The following RNF115 variants were observed in gnomAD, a reference collection of about 807,000 sequenced individuals.
The protein encoded by RNF115 is E3 ubiquitin-protein ligase RNF115.
RNF115 carries 31 observed loss-of-function variants against 39.2 expected under a neutral mutation model. That is an observed-to-expected ratio of 0.79 (90% confidence interval 0.59 to 1.07). RNF115 has a LOEUF of 1.07. Ranked by LOEUF, RNF115 falls within the 50% of genes least tolerant of loss-of-function variation. The pLI is 0.00. For synonymous variants in RNF115, 124 were observed against 131.0 expected, an observed-to-expected ratio of 0.95 and a Z score of 0.37; for missense variants, 384 against 381.7, an observed-to-expected ratio of 1.01 and a Z score of -0.05.
At chr1:145,816,640 T>A (rs1406879230) in intron 1 of RNF115, among the ~76,000 whole-genome samples, 3 of 139,316 alleles carry the variant, frequency 2.2e-5, no homozygotes, top group African/African-American at 7.4e-5. Flanking sequence ...AGAAACCTAG[T>A]GAGAGCTCAT....
intron 4 of RNF115, among the ~76,000 whole-genome samples, chr1:145,769,875 CA>C (rs1184000469): frequency 2.6e-5 from 4 of 151,832 alleles, no homozygotes; most frequent in African/African-American, 9.7e-5. Context: ...GGCGTGGTGG[CA>C]CATGCTTGTA....
At chr1:145,789,099 T>C (rs587685353) in intron 1 of RNF115, 133 bp from the exon 2 acceptor site, 6 of 605,828 alleles carry the variant, frequency 9.9e-6, no homozygotes, top group East Asian at 5.6e-5. Flanking sequence ...TCAAGTAGTT[T>C]TTGTTTTTTT....
At chr1:145,813,135 G>C (rs1649811865) in intron 1 of RNF115, among the ~76,000 whole-genome samples, 1 of 151,332 alleles carries the variant, frequency 6.6e-6, no homozygotes, top group African/African-American at 2.4e-5. Flanking sequence ...CTTTCAATTA[G>C]GATTATACAG....
chr1:145,813,679 CAG>C (rs1649834365), intron 1 of RNF115, among the ~76,000 whole-genome samples: 1 of 152,114 alleles, frequency 6.6e-6, no homozygotes, highest in Non-Finnish European at 1.5e-5. Flanking sequence ...TCTCTCCCAT[CAG>C]AGGTTTGCCT....
At chr1:145,803,063 C>T (rs587609780) in intron 1 of RNF115, among the ~76,000 whole-genome samples, 7 of 152,310 alleles carry the variant, frequency 4.6e-5, no homozygotes, top group African/African-American at 1.7e-4. Context: ...ACTGTCCTCA[C>T]TGACTTCTTT....
At chr1:145,808,444 G>T (rs1649552177) in intron 1 of RNF115, among the ~76,000 whole-genome samples, 1 of 152,100 alleles carries the variant, frequency 6.6e-6, no homozygotes, top group African/African-American at 2.4e-5. Flanking sequence ...GATTAGTGAT[G>T]TTAAGCACTG....
intron 4 of RNF115, among the ~76,000 whole-genome samples, chr1:145,767,127 C>G (rs1383664890): frequency 6.6e-6 from 1 of 151,374 alleles, no homozygotes; most frequent in Non-Finnish European, 1.5e-5. Context: ...GGGCTCCTCA[C>G]TTCTCAGACG....
rs1409382694 is a variant in RNF115, at chr1:145,781,050, A to G, written c.219+3489T>C. ...AGCAATATTTTCAGATTCACTCTCC[A>G]CCGGCCCTCACACATTATTCAAACA... On this transcript the variant is annotated intron_variant, in intron 3 of 8. Coordinates refer to ENST00000582693, the MANE Select transcript of RNF115 (RefSeq NM_014455.4). 5.9e-5 allele frequency among the ~76,000 whole-genome samples: 9 copies of G among 152,070 alleles called. 1 individual carries two copies. Among genetic ancestry groups the G allele is most frequent in the Admixed American group, 5.2e-4 (8 of 15,258 alleles).
rs1553715791 is a variant in RNF115 at position 145,771,748 on chromosome 1, C to G, written c.391G>C (p.Gly131Arg). Residue 131 changes from glycine to arginine, a missense_variant, in exon 4 of 9, where the codon GGA (glycine) becomes CGA (arginine). Physicochemically the swap from Gly to Arg is moderately radical, Grantham distance 125. Transcript: ENST00000582693. Reference protein sequence around the residue: ...LPLGRRYRSRGSSRPDRSPAI... With the variant: ...LPLGRRYRSRRSSRPDRSPAI... ...GGAGATCTGTCAGGACGAGAACTTC[C>G]TCGAGATCTGTATCTCCGACCCAAT... is the stretch of plus-strand genomic sequence containing the variant. 6.2e-7 allele frequency: 1 copy of G among 1,614,160 alleles called. No homozygotes were observed. The highest frequency in any genetic ancestry group is 1.1e-5 in the South Asian group (1 of 91,068).
intron 4 of RNF115, among the ~76,000 whole-genome samples, chr1:145,763,391 G>A (rs1228801305): frequency 1.3e-5 from 2 of 152,088 alleles, no homozygotes; most frequent in Non-Finnish European, 2.9e-5. Context: ...AAACAAAAGA[G>A]TAAAGCACAA....
chr1:145,765,132 G>A (rs978698775), intron 4 of RNF115, among the ~76,000 whole-genome samples: 5 of 152,152 alleles, frequency 3.3e-5, no homozygotes, highest in Admixed American at 6.5e-5. Flanking sequence ...CCAACCCTGT[G>A]CTCTCTGAAA....
intron 4 of RNF115, among the ~76,000 whole-genome samples, chr1:145,758,617 T>TG (rs1184185609): frequency 1.3e-5 from 2 of 152,246 alleles, no homozygotes; most frequent in African/African-American, 4.8e-5. Context: ...ATGCTTACAC[T>TG]GACCAATAAG....
At chr1:145,776,060 T>C (rs1409209544) in intron 3 of RNF115, among the ~76,000 whole-genome samples, 1 of 136,058 alleles carries the variant, frequency 7.3e-6, no homozygotes, top group East Asian at 2.4e-4. Flanking sequence ...TATACTCACC[T>C]GTTTTCAGGC....
intron 1 of RNF115, among the ~76,000 whole-genome samples, chr1:145,802,105 C>T (rs782539075): frequency 2.2e-4 from 33 of 152,080 alleles, no homozygotes; most frequent in Non-Finnish European, 4.4e-4. Context: ...TTCTATCATC[C>T]CATCTGTAAA....
intron 5 of RNF115, among the ~76,000 whole-genome samples, chr1:145,752,524 C>A (rs781789864): frequency 3.4e-5 from 5 of 148,812 alleles, no homozygotes; most frequent in Non-Finnish European, 7.4e-5. Flanking sequence ...TAAGTTTGGG[C>A]TTAGCAGATA....
Position 145,743,373 on chromosome 1 carries a change from T to C in RNF115, c.*3493A>G, listed in dbSNP as rs1373026749. Reference sequence around the variant, plus strand: ...CAGAAACATCAGCTCTTCTAGGGTATCCAAGCTGGCCTTCAGACTGGAACT... The same window carrying C: ...CAGAAACATCAGCTCTTCTAGGGTACCCAAGCTGGCCTTCAGACTGGAACT... On this transcript the variant is annotated 3_prime_UTR_variant, in exon 9 of 9. Coordinates refer to ENST00000582693, the MANE Select transcript of RNF115 (RefSeq NM_014455.4). 1 of 152,228 alleles carries C rather than the reference T, an allele frequency of 6.6e-6. No individual in the cohort carries two copies. The highest frequency in any genetic ancestry group is 1.5e-5 in the Non-Finnish European group (1 of 68,098). 9.4% of individuals were successfully genotyped at this position (152,228 alleles called of 1,614,324 possible).
chr1:145,754,089 A>C (rs1658202240), intron 4 of RNF115, among the ~76,000 whole-genome samples: 1 of 152,244 alleles, frequency 6.6e-6, no homozygotes, highest in East Asian at 1.9e-4. Flanking sequence ...CCAACATTAG[A>C]CTTTCCCTGC....
At chr1:145,799,644 T>C (rs1262268610) in intron 1 of RNF115, among the ~76,000 whole-genome samples, 1 of 151,974 alleles carries the variant, frequency 6.6e-6, no homozygotes, top group African/African-American at 2.4e-5. Flanking sequence ...TCTTGCTCTG[T>C]TGCCCATTCT....
At chr1:145,820,272 C>T (rs1349689002) in intron 1 of RNF115, among the ~76,000 whole-genome samples, 7 of 150,604 alleles carry the variant, frequency 4.6e-5, no homozygotes, top group Non-Finnish European at 7.4e-5. Context: ...TGAGACCAGC[C>T]GGGGCAACAT....
Sources: allele counts gnomAD v4.1 joint callset (sites outside exome capture counted in the v4.1 genomes callset), GRCh38; gene constraint gnomAD v4.1.1; transcripts MANE v1.5; gene names NCBI Gene and HGNC (gene_info 2026-07-23, HGNC 2026-07-21).